Variants in GPR158 observed in about 807,000 individuals in gnomAD.
GPR158 encodes G protein-coupled receptor 158, also known as metabotropic glycine receptor.
In GPR158, 30 loss-of-function variants were observed where a neutral mutation model predicts 78.2. That is an observed-to-expected ratio of 0.38 (90% CI 0.29 to 0.52). The LOEUF is 0.52. Among genes scored for constraint, GPR158 ranks in the 20% least tolerant of loss-of-function variants. The pLI is 0.83. For synonymous variants in GPR158, 581 were observed against 591.1 expected, an observed-to-expected ratio of 0.98 and a Z score of 0.25; for missense variants, 1,463 against 1,523.5, an observed-to-expected ratio of 0.96 and a Z score of 0.66.
chr10:25,516,160 A>C (rs1836169150), intron 5 of GPR158, among the ~76,000 whole-genome samples: 1 of 151,798 alleles, frequency 6.6e-6, no homozygotes, highest in African/African-American at 2.4e-5. Context: ...TGGCTGCATA[A>C]ATGTCTTCTT....
chr10:25,342,571 C>T (rs1259930801), intron 2 of GPR158, among the ~76,000 whole-genome samples: 4 of 151,966 alleles, frequency 2.6e-5, no homozygotes, highest in Non-Finnish European at 4.4e-5. Flanking sequence ...GCACATGAAG[C>T]TTACCACCCT....
intron 2 of GPR158, among the ~76,000 whole-genome samples, chr10:25,291,681 A>G (rs1854437751): frequency 1.3e-5 from 2 of 152,094 alleles, no homozygotes; most frequent in South Asian, 4.1e-4. Context: ...AATGAATGAG[A>G]AAAAACATAT....
At chr10:25,232,545 T>C (rs543665208) in intron 2 of GPR158, among the ~76,000 whole-genome samples, 1 of 152,236 alleles carries the variant, frequency 6.6e-6, no homozygotes, top group Non-Finnish European at 1.5e-5. Flanking sequence ...TTTTCTAAGA[T>C]GAAAGGCCTT....
Position 25,599,256 on chromosome 10 carries a change from G to A in GPR158, c.3630G>A (p.Trp1210Ter). 6.2e-7 allele frequency: 1 copy of A among 1,610,968 alleles called. No homozygotes were observed. The highest frequency in any genetic ancestry group is 8.5e-7 in the Non-Finnish European group (1 of 1,179,042). Residue 1210 changes from tryptophan (W) to a stop codon, truncating the protein, a stop_gained, in exon 11 of 11, where the codon TGG (tryptophan) becomes TGA (stop). Coordinates refer to ENST00000376351, the MANE Select transcript of GPR158 (RefSeq NM_020752.3). LOFTEE classifies it high-confidence loss of function. ...KIAGPRKEEI[W>*]DSFKV is the part of the protein sequence containing the mutation. ...CAGGGCCTAGGAAAGAAGAGATCTG[G>A]GATAGTTTTAAAGTGTAGCATCTCC...
At position 25,550,980 on chromosome 10, in the gene GPR158, T is replaced by C. The variant is rs1270373253; in HGVS notation, c.1409T>C (p.Val470Ala). ...FGSLLLYFPV[V>A]ILYFEPSTFR... ...CTTTCTGTTTTCATCCCACAGGTTG[T>C]TATTTTGTACTTTGAGCCAAGCACA... Residue 470 changes from valine (V) to alanine (A), a missense_variant, in exon 6 of 11, where the codon GTT becomes GCT. By Grantham distance (64) the Val-to-Ala change is moderately conservative. Coordinates refer to ENST00000376351, the MANE Select transcript of GPR158 (RefSeq NM_020752.3). 6.4e-7 allele frequency: 1 copy of C among 1,565,218 alleles called. No homozygotes were observed. The highest frequency in any genetic ancestry group is 1.4e-5 in the African/African-American group (1 of 74,044).
intron 6 of GPR158, among the ~76,000 whole-genome samples, chr10:25,563,116 T>C (rs1836880064): frequency 6.6e-6 from 1 of 152,206 alleles, no homozygotes; most frequent in Non-Finnish European, 1.5e-5. Flanking sequence ...ACGTAAAATA[T>C]CATTTGCTGC....
chr10:25,340,535 A>C lies in GPR158; in HGVS notation c.1009-55376A>C, dbSNP rs549567330. Among the ~76,000 whole-genome samples, 3 of 152,222 alleles carry C rather than the reference A, an allele frequency of 2.0e-5. No homozygotes were observed. In the South Asian group the frequency reaches 6.2e-4, roughly 31 times the overall value. On this transcript the variant is annotated intron_variant, in intron 2 of 10. Coordinates refer to ENST00000376351, the MANE Select transcript of GPR158 (RefSeq NM_020752.3). Reference sequence around the variant, plus strand: ...TCAACAGAGAACTAGAAACTAGTAAAAGAATCAAATGGATAGTCTAGAAGA... The same window carrying C: ...TCAACAGAGAACTAGAAACTAGTAACAGAATCAAATGGATAGTCTAGAAGA...
intron 4 of GPR158, among the ~76,000 whole-genome samples, chr10:25,446,976 T>G (rs1284973113): frequency 6.6e-6 from 1 of 152,190 alleles, no homozygotes; most frequent in African/African-American, 2.4e-5. Flanking sequence ...TATGGTTCCC[T>G]TTCAGATAAA....
intron 3 of GPR158, among the ~76,000 whole-genome samples, chr10:25,401,726 A>G (rs1834448557): frequency 6.6e-6 from 1 of 152,110 alleles, no homozygotes; most frequent in East Asian, 1.9e-4. Context: ...TTGACTATTA[A>G]TTAGCTCAGT....
intron 7 of GPR158, among the ~76,000 whole-genome samples, chr10:25,576,986 A>AAAAGTC (rs1190989889): frequency 1.3e-5 from 2 of 150,792 alleles, no homozygotes; most frequent in Admixed American, 6.6e-5. Flanking sequence ...AAAAAAAAAA[A>AAAAGTC]AGTCAGGGCA....
chr10:25,375,323 C>T (rs569747782), intron 2 of GPR158, among the ~76,000 whole-genome samples: 12 of 151,588 alleles, frequency 7.9e-5, no homozygotes, highest in Non-Finnish European at 1.6e-4. Context: ...CAACCCATAC[C>T]TCTCGTTTTC....
At chr10:25,330,924 T>A (rs908386341) in intron 2 of GPR158, among the ~76,000 whole-genome samples, 9 of 152,142 alleles carry the variant, frequency 5.9e-5, no homozygotes, top group Non-Finnish European at 8.8e-5. Context: ...AAATGCCCAT[T>A]TTTATTTTTT....
Position 25,599,083 on chromosome 10 carries a change from G to A in GPR158, c.3457G>A (p.Gly1153Ser), listed in dbSNP as rs1336959609. The A allele has an allele frequency of 2.5e-6, 4 of 1,613,176 alleles. No individual in the cohort carries two copies. The South Asian group carries it at 3.3e-5, about 13-fold the overall frequency. Residue 1153 changes from glycine to serine, a missense_variant, in exon 11 of 11, where the codon GGC (glycine) becomes AGC (serine). Physicochemically the swap from Gly to Ser is moderately conservative, Grantham distance 56. Transcript: ENST00000376351. ...ATCTTCTTCTGAGGAGAATGTGCGTGGCTCCTATAACTCAAGTAATAACTT... is the reference window on the plus strand; with the variant it reads ...ATCTTCTTCTGAGGAGAATGTGCGTAGCTCCTATAACTCAAGTAATAACTT... ...KTSSSEENVR[G>S]SYNSSNNFQQ...
intron 6 of GPR158, among the ~76,000 whole-genome samples, chr10:25,553,141 T>C (rs1187621623): frequency 2.6e-5 from 4 of 152,190 alleles, no homozygotes; most frequent in African/African-American, 9.7e-5. Flanking sequence ...GGTAGTGATA[T>C]AAAGCTTCCT....
At chr10:25,545,948 T>G (rs1836656697) in intron 5 of GPR158, among the ~76,000 whole-genome samples, 1 of 152,148 alleles carries the variant, frequency 6.6e-6, no homozygotes, top group Non-Finnish European at 1.5e-5. Context: ...CAGAAAGAAT[T>G]ATTTCCAAGG....
At chr10:25,540,941 TAA>T (rs1186802503) in intron 5 of GPR158, among the ~76,000 whole-genome samples, 198 of 63,674 alleles carry the variant, frequency 3.1e-3, no homozygotes, top group South Asian at 8.5e-3. Context: ...TAAAGTATAA[TAA>T]AAATATATAT....
chr10:25,272,626 C>T (rs1854132073), intron 2 of GPR158, among the ~76,000 whole-genome samples: 1 of 152,180 alleles, frequency 6.6e-6, no homozygotes. Context: ...AAATGGATTG[C>T]TTCTCCCAGG....
chr10:25,529,075 C>T (rs1836389337), intron 5 of GPR158, among the ~76,000 whole-genome samples: 1 of 152,102 alleles, frequency 6.6e-6, no homozygotes, highest in Non-Finnish European at 1.5e-5. Flanking sequence ...GAGGAAGTAA[C>T]AACCAGGTTA....
At chr10:25,532,255 C>T (rs1836433821) in intron 5 of GPR158, among the ~76,000 whole-genome samples, 1 of 152,008 alleles carries the variant, frequency 6.6e-6, no homozygotes, top group Non-Finnish European at 1.5e-5. Context: ...CTATGCAAGA[C>T]TATCTGTTAA....
Sources: gnomAD v4.1 joint callset for allele counts (sites outside exome capture counted in the v4.1 genomes callset) on GRCh38, gnomAD v4.1.1 for gene constraint, MANE v1.5 for transcripts, NCBI Gene and HGNC (gene_info 2026-07-23, HGNC 2026-07-21) for gene names.